THSD7A: variants seen among roughly 807,000 people sequenced by gnomAD.
The protein encoded by THSD7A is thrombospondin type-1 domain-containing protein 7A.
In THSD7A, 96 loss-of-function variants were observed where a neutral mutation model predicts 231.3. The observed-to-expected ratio is 0.41, with a 90% CI of 0.35 to 0.49. The LOEUF (loss-of-function observed/expected upper bound fraction) is 0.49. THSD7A is among the 20% of genes least tolerant of loss of function. The pLI is 0.05. For synonymous variants in THSD7A, 940 were observed against 743.3 expected, an observed-to-expected ratio of 1.26 and a Z score of -4.30; for missense variants, 2,290 against 2,070.2, an observed-to-expected ratio of 1.11 and a Z score of -2.06.
intron 4 of THSD7A, among the ~76,000 whole-genome samples, chr7:11,581,105 C>A (rs1294797440): frequency 2.0e-5 from 3 of 151,980 alleles, no homozygotes; most frequent in Non-Finnish European, 4.4e-5. Flanking sequence ...TAAATCCTTG[C>A]AAGTGTGTGT....
intron 1 of THSD7A, among the ~76,000 whole-genome samples, chr7:11,786,759 TAAAAAAAAAAAA>T (rs58923353): frequency 9.2e-6 from 1 of 108,652 alleles, no homozygotes; most frequent in Non-Finnish European, 2.0e-5. Flanking sequence ...AGTATAATAA[TAAAAAAAAAAAA>T]AAAAAAAAAG....
intron 23 of THSD7A, among the ~76,000 whole-genome samples, chr7:11,390,406 C>G (rs1044813855): frequency 1.3e-5 from 2 of 152,168 alleles, no homozygotes; most frequent in African/African-American, 4.8e-5. Context: ...GCTATTGATA[C>G]TTGTGTATGC....
chr7:11,646,475 G>A (rs1254552851), intron 1 of THSD7A, among the ~76,000 whole-genome samples: 1 of 152,002 alleles, frequency 6.6e-6, no homozygotes, highest in Non-Finnish European at 1.5e-5. Context: ...TCTAGTAAAT[G>A]CATATGTTTG....
chr7:11,487,537 T>G (rs1786708798), intron 6 of THSD7A, among the ~76,000 whole-genome samples: 1 of 152,158 alleles, frequency 6.6e-6, no homozygotes, highest in African/African-American at 2.4e-5. Context: ...CATATTTGTA[T>G]TAGTCCATTT....
At chr7:11,461,139 G>A (rs1487115252) in intron 10 of THSD7A, among the ~76,000 whole-genome samples, 1 of 152,122 alleles carries the variant, frequency 6.6e-6, no homozygotes, top group Non-Finnish European at 1.5e-5. Flanking sequence ...CAAGTCATGA[G>A]TCTTTTGTAT....
intron 1 of THSD7A, among the ~76,000 whole-genome samples, chr7:11,686,855 T>C (rs1381234554): frequency 6.6e-6 from 1 of 151,758 alleles, no homozygotes; most frequent in Non-Finnish European, 1.5e-5. Flanking sequence ...TTGGAAATGT[T>C]ACAATTGGGT....
chr7:11,469,337 C>T (rs1785841584), intron 9 of THSD7A, among the ~76,000 whole-genome samples: 1 of 152,108 alleles, frequency 6.6e-6, no homozygotes, highest in African/African-American at 2.4e-5. Flanking sequence ...GAGTCTTTGT[C>T]TGTAAGTAAT....
chr7:11,823,567 T>A (rs1189948625), intron 1 of THSD7A, among the ~76,000 whole-genome samples: 1 of 152,142 alleles, frequency 6.6e-6, no homozygotes, highest in Non-Finnish European at 1.5e-5. Context: ...TGTAACAATA[T>A]TAATTCTTCT....
intron 4 of THSD7A, among the ~76,000 whole-genome samples, chr7:11,589,893 G>C (rs1285968717): frequency 1.3e-5 from 2 of 152,046 alleles, no homozygotes; most frequent in Non-Finnish European, 2.9e-5. Context: ...ATCTGGTCCT[G>C]AAACAGATTT....
At chr7:11,569,108 G>C (rs1490986057) in intron 4 of THSD7A, among the ~76,000 whole-genome samples, 1 of 152,020 alleles carries the variant, frequency 6.6e-6, no homozygotes, top group Non-Finnish European at 1.5e-5. Context: ...GCAAGCAAAT[G>C]CTTCAGGACA....
At chr7:11,401,244 C>T (rs1034592616) in intron 23 of THSD7A, among the ~76,000 whole-genome samples, 1 of 152,026 alleles carries the variant, frequency 6.6e-6, no homozygotes, top group Admixed American at 6.6e-5. Context: ...ATAATGTGCT[C>T]CTAATTATCT....
intron 1 of THSD7A, among the ~76,000 whole-genome samples, chr7:11,804,959 T>A (rs1454931708): frequency 1.3e-5 from 2 of 152,196 alleles, no homozygotes; most frequent in African/African-American, 4.8e-5. Flanking sequence ...TCATCATTCA[T>A]GAACCCTCAT....
chr7:11,672,891 T>C (rs1783456909), intron 1 of THSD7A, among the ~76,000 whole-genome samples: 1 of 152,184 alleles, frequency 6.6e-6, no homozygotes, highest in South Asian at 2.1e-4. Flanking sequence ...AGAGACAGTC[T>C]GAAATAATTT....
At chr7:11,732,010 T>C (rs1183099374) in intron 1 of THSD7A, among the ~76,000 whole-genome samples, 1 of 151,724 alleles carries the variant, frequency 6.6e-6, no homozygotes, top group Admixed American at 6.6e-5. Flanking sequence ...AATTAATAAA[T>C]GAATATTCAC....
chr7:11,763,575 C>A (rs538762207), intron 1 of THSD7A, among the ~76,000 whole-genome samples: 3 of 151,940 alleles, frequency 2.0e-5, no homozygotes, highest in Non-Finnish European at 1.5e-5. Context: ...TAGCATAATG[C>A]CTTAAAACAA....
chr7:11,593,452 G>A lies in THSD7A; in HGVS notation c.1073C>T (p.Thr358Ile). The stretch of plus-strand genomic sequence containing the variant: ...CCACTCGGAAACCTGGCACTCTTTG[G>A]TGATCACACAGGACTGGAAGGTCAT... ...LPMTFQSCVITKECQVSEWSE... is the reference protein window; with the variant it reads ...LPMTFQSCVIIKECQVSEWSE... The change falls in exon 3 of 28, where the codon ACC (threonine) becomes ATC (isoleucine). Residue 358 changes from threonine (T) to isoleucine (I), a missense_variant. Transcript: ENST00000423059. 1.2e-6 allele frequency: 2 copies of A among 1,614,004 alleles called. No homozygotes were observed. The highest frequency in any genetic ancestry group is 1.6e-4 in the Middle Eastern group (1 of 6,062).
At chr7:11,755,654 G>A (rs1427746075) in intron 1 of THSD7A, among the ~76,000 whole-genome samples, 1 of 152,066 alleles carries the variant, frequency 6.6e-6, no homozygotes, top group African/African-American at 2.4e-5. Flanking sequence ...AATGCCAGCT[G>A]GAAGTACCTC....
At chr7:11,507,951 C>T (rs1034396476) in intron 6 of THSD7A, among the ~76,000 whole-genome samples, 8 of 152,182 alleles carry the variant, frequency 5.3e-5, no homozygotes, top group African/African-American at 1.4e-4. Flanking sequence ...CACAGTTCTG[C>T]ATGGCAAGGG....
intron 1 of THSD7A, among the ~76,000 whole-genome samples, chr7:11,674,663 G>C (rs974433942): frequency 3.3e-5 from 5 of 152,066 alleles, no homozygotes; most frequent in African/African-American, 1.2e-4. Flanking sequence ...ATACTCACAA[G>C]GGAGACAAGA....
Sources: gnomAD v4.1 joint callset for allele counts (sites outside exome capture counted in the v4.1 genomes callset) on GRCh38, gnomAD v4.1.1 for gene constraint, MANE v1.5 for transcripts, NCBI Gene and HGNC (gene_info 2026-07-23, HGNC 2026-07-21) for gene names.